Variants in ATG13 observed in about 807,000 individuals in gnomAD.
ATG13 encodes autophagy related 13.
In ATG13, 23 loss-of-function variants were observed where a neutral mutation model predicts 65.5. The ratio of observed to expected loss-of-function variants is 0.35; its 90% confidence interval spans 0.25 to 0.50. ATG13 has a LOEUF of 0.50. ATG13 is among the 20% of genes least tolerant of loss of function. ATG13 has a pLI of 0.98. For missense variants in ATG13, 566 were observed against 677.0 expected (o/e 0.84, Z 1.82); for synonymous variants, 252 against 245.2 (o/e 1.03, Z -0.26).
rs2064088329 is a variant in ATG13, at chr11:46,672,978, C to G, written c.*646C>G. 1.7e-5 allele frequency: 6 copies of G among 353,282 alleles called. No individual in the cohort carries two copies. Among genetic ancestry groups the G allele is most frequent in the South Asian group, 5.5e-5 (2 of 36,420 alleles). 21.9% of individuals were successfully genotyped at this position (353,282 alleles called of 1,614,324 possible). On this transcript the variant is annotated 3_prime_UTR_variant, in exon 19 of 19. Transcript: ENST00000683050. ...GAAGGTCGGGAGGGTCTGAGCAGCC[C>G]TGGTGGCTGCCTGTGCTCAGGTCCT...
chr11:46,654,315 AAGAG>A lies in ATG13; in HGVS notation c.459-1915_459-1912del, dbSNP rs943006162. Among the ~76,000 whole-genome samples the A allele has an allele frequency of 3.5e-5, 5 of 141,178 alleles. 1 individual carries two copies. The South Asian group carries it at 9.0e-4, about 26-fold the overall frequency. 92.6% of individuals were successfully genotyped at this position (141,178 alleles called of 152,430 possible). A position where few individuals can be genotyped will look rare whatever the true frequency, so the allele number is the denominator to read the frequency against. ...TATATATATATATATATATATGTAAAAGAGAGCTTCCCACAACTAAAGACCACTT... is the reference window on the plus strand; with the variant it reads ...TATATATATATATATATATATGTAAAAGCTTCCCACAACTAAAGACCACTT... On this transcript the variant is annotated intron_variant, in intron 7 of 18. Transcript: ENST00000683050.
chr11:46,666,238 G>A (rs1476643344), intron 14 of ATG13, among the ~76,000 whole-genome samples: 3 of 152,196 alleles, frequency 2.0e-5, no homozygotes, highest in Non-Finnish European at 4.4e-5. Context: ...AACAGCAGGA[G>A]CTCGGTTCTT....
chr11:46,635,462 A>G (rs2053625065), intron 2 of ATG13, among the ~76,000 whole-genome samples: 1 of 152,226 alleles, frequency 6.6e-6, no homozygotes, highest in African/African-American at 2.4e-5. Context: ...GCCAACATAG[A>G]GAGACCCCCA....
chr11:46,670,533 G>A (rs1472747904), intron 18 of ATG13, among the ~76,000 whole-genome samples: 5 of 151,532 alleles, frequency 3.3e-5, no homozygotes, highest in African/African-American at 1.2e-4. Context: ...TTTGGGCCAG[G>A]CACAGTGGCT....
intron 1 of ATG13, among the ~76,000 whole-genome samples, chr11:46,622,243 G>A (rs1374232750): frequency 6.6e-6 from 1 of 150,424 alleles, no homozygotes; most frequent in Non-Finnish European, 1.5e-5. Flanking sequence ...TCAGCCTCCC[G>A]TCTAGCTGGG....
At chr11:46,643,640 C>T (rs1362054001) in intron 2 of ATG13, among the ~76,000 whole-genome samples, 3 of 147,448 alleles carry the variant, frequency 2.0e-5, no homozygotes, top group Admixed American at 6.8e-5. Context: ...TAAATGAGAC[C>T]GGGTCTCACC....
At chr11:46,664,367 G>A (rs2061824853) in intron 12 of ATG13, among the ~76,000 whole-genome samples, 1 of 152,112 alleles carries the variant, frequency 6.6e-6, no homozygotes, top group Non-Finnish European at 1.5e-5. Context: ...CTGGTATTCT[G>A]TCTTTTTTCA....
rs111556421 is a variant in ATG13 at position 46,638,995 on chromosome 11, TA to T, written c.-13-5283del. Among the ~76,000 whole-genome samples, 880 of 149,604 alleles carry T rather than the reference TA, an allele frequency of 5.9e-3. 9 individuals carry two copies. The highest frequency in any genetic ancestry group is 0.021 in the African/African-American group (841 of 39,660). On this transcript the variant is annotated intron_variant, in intron 2 of 18. Coordinates refer to ENST00000683050, the MANE Select transcript of ATG13 (RefSeq NM_001346311.2). ...GCTGATTTTTATTTATTTATTTATTTATTTTTTTTTGAGAAGGAGTCTCGCT... is the reference window on the plus strand; with the variant it reads ...GCTGATTTTTATTTATTTATTTATTTTTTTTTTTTGAGAAGGAGTCTCGCT...
At chr11:46,668,656 CCA>C (rs755772310) in intron 16 of ATG13, 80 bp downstream of exon 16, 2 of 1,534,936 alleles carry the variant, frequency 1.3e-6, no homozygotes, top group Non-Finnish European at 1.8e-6. Flanking sequence ...CACTAATCCC[CCA>C]CAGACTATAA....
At position 46,658,234 on chromosome 11, in the gene ATG13, CAG is replaced by C. The variant is rs201408257; in HGVS notation, c.695+613_695+614del. Among the ~76,000 whole-genome samples, 130 of 152,274 alleles carry C rather than the reference CAG, an allele frequency of 8.5e-4. 2 individuals carry two copies. The East Asian group carries it at 0.02, about 24-fold the overall frequency. On this transcript the variant is annotated intron_variant, in intron 10 of 18. Coordinates refer to ENST00000683050, the MANE Select transcript of ATG13 (RefSeq NM_001346311.2). ...GTCTCCAGGTCTAGAACTCAGAAAA[CAG>C]GGGTTAGACTAGATGTATATCAGGA...
chr11:46,665,007 C>T (rs1287510043), intron 13 of ATG13, 48 bp downstream of exon 13: 3 of 1,533,178 alleles, frequency 2.0e-6, no homozygotes, highest in African/African-American at 2.7e-5. Context: ...GCTGCCTCCC[C>T]TGCCCGGAGG....
chr11:46,630,646 C>T (rs2135908466), intron 2 of ATG13, among the ~76,000 whole-genome samples: 1 of 146,728 alleles, frequency 6.8e-6, no homozygotes, highest in East Asian at 2.0e-4. Flanking sequence ...AATCACAGCT[C>T]ACTGCAGCCT....
chr11:46,644,281 T>C lies in ATG13; in HGVS notation c.-11T>C, dbSNP rs763415225. The C allele has an allele frequency of 6.7e-5, 106 of 1,578,918 alleles. No individual in the cohort carries two copies. The highest frequency in any genetic ancestry group is 1.7e-4 in the Middle Eastern group (1 of 5,898). On this transcript the variant is annotated splice_region_variant and 5_prime_UTR_variant, in exon 3 of 19. Transcript: ENST00000683050. ...TTTTTTTCACTTTTTTTTTTTAGATTCCTATAGGCAATGGAAACTGATCTC... is the reference window on the plus strand; with the variant it reads ...TTTTTTTCACTTTTTTTTTTTAGATCCCTATAGGCAATGGAAACTGATCTC...
At chr11:46,661,479 C>T (rs2061195193) in intron 11 of ATG13, among the ~76,000 whole-genome samples, 1 of 145,296 alleles carries the variant, frequency 6.9e-6, no homozygotes, top group African/African-American at 2.5e-5. Flanking sequence ...GATTTCCCCA[C>T]TGCACTCTAG....
intron 1 of ATG13, among the ~76,000 whole-genome samples, chr11:46,619,787 T>TG (rs1456626114): frequency 1.3e-5 from 2 of 151,278 alleles, no homozygotes; most frequent in African/African-American, 4.8e-5. Context: ...CCCAGCACTT[T>TG]GGGGGGCCGA....
rs1220908698 is a variant in ATG13, at chr11:46,620,183, TCCTGAGTTCAAGC to T, written c.-70+2294_-70+2306del. Among the ~76,000 whole-genome samples the T allele has an allele frequency of 2.7e-5, 4 of 150,636 alleles. No individual in the cohort carries two copies. The East Asian group carries it at 8.3e-4, about 31-fold the overall frequency. ...TCGGCACACTGCAACAACCTCCCCC[TCCTGAGTTCAAGC>T]AATTCTCCTGCCTCAGCCTCCCAAG... On this transcript the variant is annotated intron_variant, in intron 1 of 18. Coordinates refer to ENST00000683050, the MANE Select transcript of ATG13 (RefSeq NM_001346311.2).
chr11:46,665,307 C>A lies in ATG13; in HGVS notation c.1000-76C>A. 1.4e-5 allele frequency: 22 copies of A among 1,534,414 alleles called. No homozygotes were observed. The South Asian group carries it at 2.4e-4, about 17-fold the overall frequency. ...TGATGGAAAAGTCAAAAGCAGATAC[C>A]ATCATGCTAGAATGTGAAGTTCCCC... On this transcript the variant is annotated intron_variant, in intron 13 of 18. Coordinates refer to ENST00000683050, the MANE Select transcript of ATG13 (RefSeq NM_001346311.2).
chr11:46,649,776 A>G (rs1406820101), intron 6 of ATG13, among the ~76,000 whole-genome samples: 1 of 152,224 alleles, frequency 6.6e-6, no homozygotes, highest in African/African-American at 2.4e-5. Context: ...GAATAAATGC[A>G]ATTGCCAGGT....
chr11:46,661,074 G>A (rs1467363455), intron 11 of ATG13, among the ~76,000 whole-genome samples: 1 of 151,998 alleles, frequency 6.6e-6, no homozygotes, highest in Non-Finnish European at 1.5e-5. Flanking sequence ...CGCCAAGGCT[G>A]GAGTGCAGTA....
Sources: allele counts gnomAD v4.1 joint callset (sites outside exome capture counted in the v4.1 genomes callset), GRCh38; gene constraint gnomAD v4.1.1; transcripts MANE v1.5; gene names NCBI Gene and HGNC (gene_info 2026-07-23, HGNC 2026-07-21).